Variants in GLRA2 observed in about 807,000 individuals in gnomAD.
The protein encoded by GLRA2 is glycine receptor alpha 2, also known as glycine receptor subunit alpha-2.
GLRA2 carries 11 observed loss-of-function variants against 31.6 expected under a neutral mutation model. The ratio of observed to expected loss-of-function variants is 0.35; its 90% CI spans 0.22 to 0.58. The LOEUF (loss-of-function observed/expected upper bound fraction) is 0.58. GLRA2 is among the 20% of genes least tolerant of loss of function. The pLI is 0.84. For synonymous variants in GLRA2, 132 were observed against 134.0 expected (o/e 0.99, Z 0.10); for missense variants, 212 against 351.8 (o/e 0.60, Z 3.18).
intron 7 of GLRA2, among the ~76,000 whole-genome samples, chrX:14,644,619 C>T (rs776630192): frequency 8.9e-6 from 1 of 112,063 alleles, no homozygotes; most frequent in South Asian, 3.7e-4. Context: ...ATTATCCTTA[C>T]TCACAGTGTT....
At chrX:14,491,683 G>A in the GLRA2 span, among the ~76,000 whole-genome samples, 10 of 111,429 alleles carry the variant, frequency 9.0e-5, no homozygotes, top group Non-Finnish European at 1.7e-4. Flanking sequence ...CTATGGGTAT[G>A]CAGGGCACAC....
chrX:14,460,006 GT>G, the GLRA2 span, among the ~76,000 whole-genome samples: 3 of 110,499 alleles, frequency 2.7e-5, no homozygotes, highest in African/African-American at 9.9e-5. Context: ...TTGGCTGTGG[GT>G]TTTGTCATAA....
rs748371689 is a variant in GLRA2 at position 14,574,448 on chromosome X, G to T, written c.270+48G>T. On this transcript the variant is annotated intron_variant, in intron 3 of 8. Coordinates refer to ENST00000218075, the MANE Select transcript of GLRA2 (RefSeq NM_002063.4). ...CAAGAGAAAGACACAACTCAATTAT[G>T]CTGTGAACACAAACTGTCAAATTTT... The T allele has an allele frequency of 4.3e-6, 5 of 1,151,220 alleles. No homozygotes were observed. In the Admixed American group the frequency reaches 1.1e-4, roughly 25 times the overall value. The allele number at this position is 1,151,220 out of a possible 1,213,427, so 94.9% of individuals were successfully genotyped here.
intron 7 of GLRA2, among the ~76,000 whole-genome samples, chrX:14,640,739 T>A (rs2147128146): frequency 9.0e-6 from 1 of 111,705 alleles, no homozygotes; most frequent in South Asian, 3.7e-4. Context: ...TGTATAACTG[T>A]AATTTTTTCC....
chrX:14,670,916 T>C (rs1031724224), intron 7 of GLRA2, among the ~76,000 whole-genome samples: 1 of 111,691 alleles, frequency 9.0e-6, no homozygotes, highest in Admixed American at 9.5e-5. Context: ...TTTCTGCAAA[T>C]AAGGTGCTCT....
the GLRA2 span, among the ~76,000 whole-genome samples, chrX:14,481,319 T>G: frequency 9.0e-6 from 1 of 111,586 alleles, no homozygotes; most frequent in African/African-American, 3.3e-5. Context: ...GGGTGGCCTC[T>G]CTCAGCCTCA....
Position 14,690,945 on chromosome X carries a change from A to G in GLRA2, c.1080+86A>G, listed in dbSNP as rs147428960. 1,409 of 972,255 alleles carry G rather than the reference A, an allele frequency of 1.4e-3. 11 individuals are homozygous for G. In the African/African-American group the frequency reaches 0.024, roughly 17 times the overall value. The allele number at this position is 972,255 out of a possible 1,213,427, so 80.1% of individuals were successfully genotyped here. ...TTCAGAAAACAGAAGAGCACACAAT[A>G]AGCAAGAAGCCAAGGTTAATTTTTG... On this transcript the variant is annotated intron_variant, in intron 8 of 8. Transcript: ENST00000218075.
chrX:14,680,129 A>G (rs2091184746), intron 7 of GLRA2, among the ~76,000 whole-genome samples: 1 of 112,531 alleles, frequency 8.9e-6, no homozygotes, highest in South Asian at 3.6e-4. Context: ...TTTATTTATA[A>G]AACAGGCAGT....
chrX:14,467,944 T>G, the GLRA2 span, among the ~76,000 whole-genome samples: 2 of 111,662 alleles, frequency 1.8e-5, no homozygotes. Flanking sequence ...GAATTTTGCT[T>G]CTTAAGTGGG....
rs768930067 is a variant in GLRA2, at chrX:14,730,413, C to T, written c.1287C>T (p.Ala429=). 29 of 1,203,471 alleles carry T rather than the reference C, an allele frequency of 2.4e-5. No homozygotes were observed. The South Asian group carries it at 4.8e-4, about 20-fold the overall frequency. ...DTISRAAFPL[A]FLIFNIFYWI... is the part of the protein sequence containing the mutation. The stretch of plus-strand genomic sequence containing the variant: ...TATCTCGAGCTGCCTTCCCATTGGC[C>T]TTCCTCATTTTCAACATCTTTTACT... Residue 429 remains alanine (A), a synonymous_variant, in exon 9 of 9, where the codon GCC becomes GCT. Transcript: ENST00000218075.
intron 7 of GLRA2, among the ~76,000 whole-genome samples, chrX:14,622,667 T>C (rs1033329324): frequency 7.2e-5 from 8 of 111,839 alleles, no homozygotes; most frequent in African/African-American, 1.3e-4. Flanking sequence ...TGGTTATAGA[T>C]GTGTGGTATT....
chrX:14,530,044 A>T lies in GLRA2; in HGVS notation c.-14A>T. The T allele has an allele frequency of 8.5e-7, 1 of 1,173,925 alleles. No homozygotes were observed. Among genetic ancestry groups the T allele is most frequent in the Non-Finnish European group, 1.2e-6 (1 of 860,738 alleles). ...CATTTCGGGATATTTTCCACAAGCA[A>T]CACAGAAACAGGAATGAACCGGCAG... On this transcript the variant is annotated 5_prime_UTR_variant, in exon 1 of 9. Coordinates refer to ENST00000218075, the MANE Select transcript of GLRA2 (RefSeq NM_002063.4).
chrX:14,634,875 A>G lies in GLRA2; in HGVS notation c.930+25670A>G, dbSNP rs1164759446. 2.7e-5 allele frequency among the ~76,000 whole-genome samples: 3 copies of G among 112,339 alleles called. No homozygotes were observed. The Admixed American group carries it at 2.8e-4, about 11-fold the overall frequency. ...ATAATGTAGATTTGACCATATTAGC[A>G]GCCACTTGAAATACAACTTCTAAGT... is the stretch of plus-strand genomic sequence containing the variant. On this transcript the variant is annotated intron_variant, in intron 7 of 8. Coordinates refer to ENST00000218075, the MANE Select transcript of GLRA2 (RefSeq NM_002063.4).
chrX:14,616,865 CTGCT>C (rs1459579005), intron 7 of GLRA2, among the ~76,000 whole-genome samples: 3 of 111,758 alleles, frequency 2.7e-5, no homozygotes, highest in African/African-American at 9.7e-5. Flanking sequence ...ATCTGCAGGC[CTGCT>C]TGCTTTAGCC....
chrX:14,653,093 A>G (rs753020074), intron 7 of GLRA2, among the ~76,000 whole-genome samples: 5 of 111,843 alleles, frequency 4.5e-5, no homozygotes, highest in Admixed American at 9.5e-5. Context: ...GTCATTGACA[A>G]TGTACCTGGT....
intron 4 of GLRA2, among the ~76,000 whole-genome samples, chrX:14,590,685 C>T (rs2090136401): frequency 8.9e-6 from 1 of 112,048 alleles, no homozygotes; most frequent in African/African-American, 3.2e-5. Flanking sequence ...TTTCTTTTCG[C>T]TGTGCATATT....
intron 2 of GLRA2, among the ~76,000 whole-genome samples, chrX:14,534,216 T>G (rs1601685688): frequency 1.3e-5 from 1 of 74,745 alleles, no homozygotes; most frequent in South Asian, 5.1e-4. Context: ...TGGCCATGTT[T>G]TTTTTTTTTT....
intron 7 of GLRA2, among the ~76,000 whole-genome samples, chrX:14,689,427 A>T (rs1212170672): frequency 8.9e-6 from 1 of 112,733 alleles, no homozygotes; most frequent in Non-Finnish European, 1.9e-5. Context: ...GGAAATGCTC[A>T]GTATAAAGGT....
intron 4 of GLRA2, 29 bp from the exon 5 acceptor site, chrX:14,604,286 G>C (rs746277549): frequency 1.1e-6 from 1 of 937,640 alleles, no homozygotes; most frequent in Admixed American, 2.3e-5. Flanking sequence ...ATTTAAAAAT[G>C]GTTTTTAATT....
Sources: gnomAD v4.1 joint callset for allele counts (sites outside exome capture counted in the v4.1 genomes callset) on GRCh38, gnomAD v4.1.1 for gene constraint, MANE v1.5 for transcripts, NCBI Gene and HGNC (gene_info 2026-07-23, HGNC 2026-07-21) for gene names.